The following GRIP1 variants were observed in gnomAD, a reference collection of about 807,000 sequenced individuals.
The protein encoded by GRIP1 is glutamate receptor interacting protein 1, also known as glutamate receptor-interacting protein 1.
Under a neutral mutation model 129.9 loss-of-function variants are expected in GRIP1, and 45 were observed. The observed-to-expected ratio is 0.35, with a 90% CI of 0.27 to 0.44. The LOEUF (loss-of-function observed/expected upper bound fraction) is 0.44, where lower values mean the gene tolerates loss of function less well. Ranked by LOEUF, GRIP1 falls within the 20% of genes least tolerant of loss-of-function variation. The pLI, the probability that GRIP1 is intolerant of heterozygous loss-of-function variation, is 1.00. For missense variants in GRIP1, 1,196 were observed against 1,396.8 expected, an observed-to-expected ratio of 0.86 and a Z score of 2.29; for synonymous variants, 530 against 520.8, an observed-to-expected ratio of 1.02 and a Z score of -0.24.
At chr12:66,809,873 C>T (rs1332589036) in intron 1 of GRIP1, among the ~76,000 whole-genome samples, 1 of 152,054 alleles carries the variant, frequency 6.6e-6, no homozygotes, top group African/African-American at 2.4e-5. Flanking sequence ...TCTGGCTGAT[C>T]TTGAACTCCG....
At chr12:66,616,654 C>T (rs372347940) in intron 1 of GRIP1, among the ~76,000 whole-genome samples, 3 of 152,000 alleles carry the variant, frequency 2.0e-5, no homozygotes, top group Non-Finnish European at 4.4e-5. Context: ...GAGATCTTAG[C>T]CTCCAAAAGC....
chr12:66,970,136 C>A (rs2042051751), intron 1 of GRIP1, among the ~76,000 whole-genome samples: 1 of 152,140 alleles, frequency 6.6e-6, no homozygotes, highest in Non-Finnish European at 1.5e-5. Context: ...AGCTGGAATG[C>A]AATGATGTGA....
At chr12:66,635,749 A>AAT (rs1157810645) in intron 1 of GRIP1, among the ~76,000 whole-genome samples, 2 of 152,176 alleles carry the variant, frequency 1.3e-5, no homozygotes, top group Admixed American at 6.5e-5. Flanking sequence ...AAAGAAAATA[A>AAT]ATACCAGTTA....
At position 66,394,299 on chromosome 12, in the gene GRIP1, C is replaced by T. The variant is rs750092161; in HGVS notation, c.2038G>A (p.Gly680Arg). 12 of 1,613,816 alleles carry T rather than the reference C, an allele frequency of 7.4e-6. No individual in the cohort carries two copies. The highest frequency in any genetic ancestry group is 5.3e-5 in the African/African-American group (4 of 74,930). Reference protein sequence around the residue: ...IIYTVELKRYGGPLGITISGT... With the variant: ...IIYTVELKRYRGPLGITISGT... ...GAAATTGTGATGCCAAGGGGCCCCC[C>T]GTAGCGTTTAAGCTCCACGGTGTAA... The change falls in exon 17 of 25, where the codon GGG becomes AGG. Residue 680 changes from glycine to arginine, a missense_variant. Gly to Arg is a moderately radical substitution (Grantham distance 125). Around this residue, in one of 5 missense-constraint regions of GRIP1, gnomAD observed 508 missense variants for 587.0 expected, o/e 0.87. Transcript: ENST00000359742.
chr12:66,712,016 A>G (rs1280212974), intron 1 of GRIP1, among the ~76,000 whole-genome samples: 1 of 151,970 alleles, frequency 6.6e-6, no homozygotes, highest in Admixed American at 6.6e-5. Flanking sequence ...CAAGAACTAT[A>G]GTTTACTTTT....
At chr12:66,386,334 G>A (rs1338977109) in intron 19 of GRIP1, among the ~76,000 whole-genome samples, 4 of 152,100 alleles carry the variant, frequency 2.6e-5, no homozygotes, top group African/African-American at 4.8e-5. Flanking sequence ...TATTCATAAA[G>A]TTTAGAATTC....
chr12:66,462,349 G>T lies in GRIP1; in HGVS notation c.1042+575C>A, dbSNP rs558800865. Among the ~76,000 whole-genome samples the T allele has an allele frequency of 7.2e-5, 11 of 152,298 alleles. No homozygotes were observed. The South Asian group carries it at 2.1e-3, about 29-fold the overall frequency. ...TTTACTTATTTATTTTTAAGTGAGA[G>T]CTTTACTATTTGCCTTCATTGGCCT... is the stretch of plus-strand genomic sequence containing the variant. On this transcript the variant is annotated intron_variant, in intron 9 of 24. Coordinates refer to ENST00000359742, the MANE Select transcript of GRIP1 (RefSeq NM_001366722.1).
At chr12:66,676,018 C>T (rs2034310586) in intron 1 of GRIP1, among the ~76,000 whole-genome samples, 1 of 152,136 alleles carries the variant, frequency 6.6e-6, no homozygotes, top group Non-Finnish European at 1.5e-5. Flanking sequence ...TACTGTGGAT[C>T]AGTGTCTATG....
intron 1 of GRIP1, among the ~76,000 whole-genome samples, chr12:66,859,476 C>A (rs34447017): frequency 6.6e-6 from 1 of 151,622 alleles, no homozygotes; most frequent in African/African-American, 2.4e-5. Context: ...CAGGTAAGTA[C>A]ACTACATAAA....
chr12:66,450,730 CAT>C (rs960729082), intron 11 of GRIP1, among the ~76,000 whole-genome samples: 1 of 151,820 alleles, frequency 6.6e-6, no homozygotes, highest in Non-Finnish European at 1.5e-5. Context: ...AGCAAAATTT[CAT>C]TTGAAATTAT....
chr12:66,707,013 A>G (rs577415716), intron 1 of GRIP1, among the ~76,000 whole-genome samples: 111 of 151,984 alleles, frequency 7.3e-4, no homozygotes, highest in Non-Finnish European at 1.4e-3. Flanking sequence ...GAATAAAAAG[A>G]AAATAATTAC....
chr12:66,893,847 C>T (rs971188617), intron 1 of GRIP1, among the ~76,000 whole-genome samples: 4 of 152,132 alleles, frequency 2.6e-5, no homozygotes, highest in African/African-American at 9.7e-5. Context: ...CAAAACCCTC[C>T]AATGGTTTCA....
chr12:66,712,945 T>C (rs1157022986), intron 1 of GRIP1, among the ~76,000 whole-genome samples: 5 of 152,008 alleles, frequency 3.3e-5, no homozygotes. Context: ...TTCCTAGGAC[T>C]ATATCAGCCA....
At chr12:66,413,240 T>C (rs568726667) in intron 15 of GRIP1, among the ~76,000 whole-genome samples, 2 of 152,150 alleles carry the variant, frequency 1.3e-5, no homozygotes, top group African/African-American at 4.8e-5. Context: ...GCAAAATAAC[T>C]GAAATCATAA....
chr12:66,694,635 T>C (rs1481573526), intron 1 of GRIP1, among the ~76,000 whole-genome samples: 1 of 152,200 alleles, frequency 6.6e-6, no homozygotes, highest in Non-Finnish European at 1.5e-5. Flanking sequence ...GTATTTAGCA[T>C]AGTGCGTGAT....
chr12:66,705,875 C>A (rs969666269), intron 1 of GRIP1, among the ~76,000 whole-genome samples: 3 of 152,042 alleles, frequency 2.0e-5, no homozygotes, highest in Non-Finnish European at 4.4e-5. Context: ...GAAACTGGAC[C>A]CCTTCCTCAC....
chr12:66,810,818 CTTAT>C (rs2039088454), intron 1 of GRIP1, among the ~76,000 whole-genome samples: 1 of 152,202 alleles, frequency 6.6e-6, no homozygotes, highest in East Asian at 1.9e-4. Flanking sequence ...CCAATTTCTA[CTTAT>C]TTGTGTTGTT....
intron 7 of GRIP1, among the ~76,000 whole-genome samples, chr12:66,499,640 A>T (rs768972391): frequency 1.7e-4 from 26 of 152,182 alleles, no homozygotes; most frequent in Non-Finnish European, 7.3e-5. Context: ...GGAAGCATCT[A>T]AAAAAAGATA....
At chr12:66,881,643 C>T (rs190159723) in intron 1 of GRIP1, among the ~76,000 whole-genome samples, 1 of 151,850 alleles carries the variant, frequency 6.6e-6, no homozygotes. Context: ...GACATTATTA[C>T]AAAGGAGGGG....
Sources: allele counts gnomAD v4.1 joint callset (sites outside exome capture counted in the v4.1 genomes callset), GRCh38; gene constraint gnomAD v4.1.1; regional missense constraint gnomAD v4.1.1; transcripts MANE v1.5; gene names NCBI Gene and HGNC (gene_info 2026-07-23, HGNC 2026-07-21).